The following DST variants were observed in gnomAD, a reference collection of about 807,000 sequenced individuals.
DST encodes dystonin, also known as bullous pemphigoid antigen.
DST carries 253 observed loss-of-function variants against 875.2 expected under a neutral mutation model. The ratio of observed to expected loss-of-function variants is 0.29; its 90% CI spans 0.26 to 0.32. The LOEUF (loss-of-function observed/expected upper bound fraction) is 0.32. DST is among the 10% of genes least tolerant of loss of function. DST has a pLI of 1.00. For missense variants in DST, 8,287 were observed against 9,111.6 expected (o/e 0.91, Z 3.68); for synonymous variants, 3,124 against 3,197.1 (o/e 0.98, Z 0.77).
chr6:56,781,986 G>A (rs934928535), intron 4 of DST, among the ~76,000 whole-genome samples: 12 of 152,002 alleles, frequency 7.9e-5, no homozygotes, highest in Non-Finnish European at 1.6e-4. Flanking sequence ...ATAATCATGT[G>A]GTTTTTGTCT....
At position 56,572,095 on chromosome 6, in the gene DST, C is replaced by T; in HGVS notation, c.13721+5G>A. 1 of 1,439,844 alleles carries T rather than the reference C, an allele frequency of 6.9e-7. No homozygotes were observed. The allele number at this position is 1,439,844 out of a possible 1,614,324, so 89.2% of individuals were successfully genotyped here. A position where few individuals can be genotyped will look rare whatever the true frequency, so the allele number is the denominator to read the frequency against. ...ATAAAATATAATTTTTAAAGTGGTA[C>T]TTACTTTTCTTTGATGGTATCCTCC... On this transcript the variant is annotated splice_donor_5th_base_variant and intron_variant, in intron 53 of 103. Coordinates refer to ENST00000680361, the MANE Select transcript of DST (RefSeq NM_001374736.1).
intron 4 of DST, among the ~76,000 whole-genome samples, chr6:56,823,700 C>T (rs1170210770): frequency 6.6e-6 from 1 of 152,164 alleles, no homozygotes; most frequent in African/African-American, 2.4e-5. Context: ...TGAGCCACCA[C>T]ACCTGGCCTG....
rs1291404920 is a variant in DST at position 56,634,199 on chromosome 6, T to C, written c.3554A>G (p.Lys1185Arg). ...TLWHESHINM[K>R]SVVSWHYLIN... ...GAGATAATGCCAGGATACTACACTC[T>C]TCATGTTTATGTGAGACTCATGCCA... Residue 1185 changes from lysine to arginine, a missense_variant, in exon 27 of 104, where the codon AAG becomes AGG. By Grantham distance (26) the Lys-to-Arg change is conservative. This residue lies in a region of DST where 3,138 missense variants were observed against 3,116.6 expected (regional missense o/e 1.01). Transcript: ENST00000680361. 2 of 1,613,610 alleles carry C rather than the reference T, an allele frequency of 1.2e-6. No homozygotes were observed. The highest frequency in any genetic ancestry group is 1.7e-6 in the Non-Finnish European group (2 of 1,180,000).
At chr6:56,858,176 A>G (rs985890683) in intron 3 of DST, among the ~76,000 whole-genome samples, 13 of 149,298 alleles carry the variant, frequency 8.7e-5, no homozygotes, top group African/African-American at 3.2e-4. Context: ...AAGAGGCAGA[A>G]GAGCCTGGGT....
At chr6:56,852,631 G>A (rs896055763) in intron 3 of DST, among the ~76,000 whole-genome samples, 5 of 152,206 alleles carry the variant, frequency 3.3e-5, no homozygotes, top group Admixed American at 2.6e-4. Flanking sequence ...GCTTACTAAG[G>A]AAACAAGGAT....
chr6:56,941,324 A>T (rs893013108), intron 2 of DST, among the ~76,000 whole-genome samples: 2 of 152,174 alleles, frequency 1.3e-5, no homozygotes, highest in African/African-American at 2.4e-5. Flanking sequence ...GAAGAATGTT[A>T]TTTAATTTAT....
At chr6:56,468,412 G>A (rs1188723102) in intron 98 of DST, among the ~76,000 whole-genome samples, 1 of 152,130 alleles carries the variant, frequency 6.6e-6, no homozygotes, top group Admixed American at 6.6e-5. Context: ...ATTACTTAAA[G>A]CCTACTGAGT....
chr6:56,865,873 A>C (rs1324767383), intron 3 of DST, among the ~76,000 whole-genome samples: 1 of 152,210 alleles, frequency 6.6e-6, no homozygotes, highest in Non-Finnish European at 1.5e-5. Context: ...TTTGAGTTTT[A>C]TCATCTTCTA....
chr6:56,942,684 T>G (rs1817226893), intron 2 of DST, among the ~76,000 whole-genome samples: 1 of 151,340 alleles, frequency 6.6e-6, no homozygotes, highest in Non-Finnish European at 1.5e-5. Flanking sequence ...GCTTTATATT[T>G]ACTCTAATAT....
In DST at chr6:56,535,224, C is replaced by T; in HGVS notation, c.16839G>A (p.Glu5613=). The T allele has an allele frequency of 6.2e-7, 1 of 1,613,416 alleles. No homozygotes were observed. The highest frequency in any genetic ancestry group is 8.5e-7 in the Non-Finnish European group (1 of 1,179,672). ...LHCGRFQDAL[E]SLLSWMVDTE... is the part of the protein sequence containing the mutation. The stretch of plus-strand genomic sequence containing the variant: ...TGTCCACCATCCAGCTGAGCAGGGA[C>T]TCCAGGGCATCCTGGAACCTCCCAC... The change falls in exon 63 of 104, where the codon GAG becomes GAA. Residue 5613 remains glutamate (E), a synonymous_variant. Coordinates refer to ENST00000680361, the MANE Select transcript of DST (RefSeq NM_001374736.1).
In DST at chr6:56,482,187, TC is replaced by T; in HGVS notation, c.21403-10del. On this transcript the variant is annotated splice_polypyrimidine_tract_variant and intron_variant, in intron 89 of 103. Coordinates refer to ENST00000680361, the MANE Select transcript of DST (RefSeq NM_001374736.1). ...GAGTGGAATTCCTCTGCCTAAGAGT[TC>T]ACACACACACACACCCCAAACAAAA... 1 of 1,590,786 alleles carries T rather than the reference TC, an allele frequency of 6.3e-7. No homozygotes were observed. The highest frequency in any genetic ancestry group is 8.6e-7 in the Non-Finnish European group (1 of 1,161,530).
At chr6:56,913,111 T>A (rs546802538) in intron 2 of DST, among the ~76,000 whole-genome samples, 1 of 152,202 alleles carries the variant, frequency 6.6e-6, no homozygotes, top group Non-Finnish European at 1.5e-5. Context: ...CCAAACAGAA[T>A]CTGAGTCCCA....
intron 75 of DST, among the ~76,000 whole-genome samples, chr6:56,507,516 C>T (rs1295377530): frequency 6.6e-6 from 1 of 152,178 alleles, no homozygotes; most frequent in African/African-American, 2.4e-5. Flanking sequence ...CACAGATGCA[C>T]TAACTCTGCT....
chr6:56,536,879 C>T lies in DST; in HGVS notation c.16670G>A (p.Gly5557Asp), dbSNP rs2097014081. The change falls in exon 62 of 104, where the codon GGT (glycine) becomes GAT (aspartate). Residue 5557 changes from glycine to aspartate, a missense_variant. Physicochemically the swap from Gly to Asp is moderately conservative, Grantham distance 94. Coordinates refer to ENST00000680361, the MANE Select transcript of DST (RefSeq NM_001374736.1). ...GGCAGCACTCTGAATAAGGCCTTGA[C>T]CTAACCAGTTTACATCTTGCTGTTT... is the stretch of plus-strand genomic sequence containing the variant. ...QGKQQDVNWLGQGLIQSAAKS... is the reference protein window; with the variant it reads ...QGKQQDVNWLDQGLIQSAAKS... The T allele has an allele frequency of 6.2e-7, 1 of 1,613,724 alleles. No individual in the cohort carries two copies. Among genetic ancestry groups the T allele is most frequent in the South Asian group, 1.1e-5 (1 of 91,058 alleles).
At chr6:56,487,319 A>G (rs1186441384) in intron 86 of DST, 46 bp from the exon 87 acceptor site, 1 of 1,499,506 alleles carries the variant, frequency 6.7e-7, no homozygotes, top group East Asian at 2.3e-5. Context: ...CTTGGGACTA[A>G]TAAACAGGTA....
chr6:56,758,347 G>A (rs1330493139), intron 4 of DST, among the ~76,000 whole-genome samples: 1 of 152,150 alleles, frequency 6.6e-6, no homozygotes, highest in East Asian at 1.9e-4. Context: ...TGGCTGGAAT[G>A]CAGATGTGGT....
intron 49 of DST, among the ~76,000 whole-genome samples, chr6:56,585,941 T>G (rs1317961298): frequency 1.3e-5 from 2 of 152,130 alleles, no homozygotes; most frequent in South Asian, 4.1e-4. Context: ...CTAGTTTGAT[T>G]GCACTGTGGT....
At position 56,593,757 on chromosome 6, in the gene DST, C is replaced by G. The variant is rs1242211796; in HGVS notation, c.12632G>C (p.Arg4211Thr). The change falls in exon 48 of 104, where the codon AGA becomes ACA. Residue 4211 changes from arginine (R) to threonine (T), a missense_variant. By Grantham distance (71) the Arg-to-Thr change is moderately conservative (BLOSUM62 -1). This residue lies in a region of DST where 1,513 missense variants were observed against 1,677.8 expected (regional missense o/e 0.90). Coordinates refer to ENST00000680361, the MANE Select transcript of DST (RefSeq NM_001374736.1). ...VLEAAKSCSK[R>T]DGGKVDTSAT... The stretch of plus-strand genomic sequence containing the variant: ...AGAAGTATCAACCTTGCCACCGTCT[C>G]TCTTGCTGCAAGATTTGGCAGCTTC... 3 of 1,613,958 alleles carry G rather than the reference C, an allele frequency of 1.9e-6. No homozygotes were observed. In the South Asian group the frequency reaches 3.3e-5, roughly 18 times the overall value.
intron 15 of DST, among the ~76,000 whole-genome samples, chr6:56,643,812 A>G (rs770105751): frequency 6.6e-6 from 1 of 152,258 alleles, no homozygotes; most frequent in African/African-American, 2.4e-5. Context: ...CAAGTGTGAG[A>G]GTGCCACATC....
Sources: allele counts gnomAD v4.1 joint callset (sites outside exome capture counted in the v4.1 genomes callset), GRCh38; gene constraint gnomAD v4.1.1; regional missense constraint gnomAD v4.1.1; transcripts MANE v1.5; gene names NCBI Gene and HGNC (gene_info 2026-07-23, HGNC 2026-07-21).